The following USP9X variants were observed in gnomAD, a reference collection of about 807,000 sequenced individuals.
USP9X encodes the protein ubiquitin carboxyl-terminal hydrolase 9X.
A neutral mutation model predicts 190.3 loss-of-function variants in USP9X; 7 were observed. That is an observed-to-expected ratio of 0.04 (90% confidence interval 0.02 to 0.07). The LOEUF is 0.07. USP9X is among the 10% of genes least tolerant of loss of function. The pLI, the probability that USP9X is intolerant of heterozygous loss-of-function variation, is 1.00. For missense variants in USP9X, 1,010 were observed against 1,916.9 expected (o/e 0.53, Z 8.83); for synonymous variants, 645 against 659.5 (o/e 0.98, Z 0.34).
At chrX:41,112,930 GTT>G (rs911001523) in intron 1 of USP9X, among the ~76,000 whole-genome samples, 2 of 112,250 alleles carry the variant, frequency 1.8e-5, no homozygotes, top group Non-Finnish European at 3.8e-5. Context: ...AGCTATTAAT[GTT>G]TGCTGTTTTT....
intron 10 of USP9X, among the ~76,000 whole-genome samples, chrX:41,144,084 TA>T (rs1165918673): frequency 3.6e-5 from 4 of 111,941 alleles, no homozygotes; most frequent in African/African-American, 1.3e-4. Flanking sequence ...TTTGCAATAT[TA>T]AAATTGTCAA....
intron 14 of USP9X, among the ~76,000 whole-genome samples, chrX:41,161,005 G>A (rs2062624746): frequency 9.0e-6 from 1 of 111,245 alleles, no homozygotes; most frequent in Non-Finnish European, 1.9e-5. Context: ...GTGGGTAGAA[G>A]CCTGGAATGT....
chrX:41,131,761 G>C (rs759463540), intron 4 of USP9X, among the ~76,000 whole-genome samples: 3 of 111,412 alleles, frequency 2.7e-5, no homozygotes, highest in South Asian at 7.6e-4. Context: ...TCATTGTTTC[G>C]TCAGATTTGC....
intron 39 of USP9X, 123 bp from the exon 40 acceptor site, chrX:41,224,619 G>A: frequency 1.7e-6 from 1 of 604,287 alleles, no homozygotes. Context: ...CTGGGCGACA[G>A]AGCGAGACTC....
intron 31 of USP9X, among the ~76,000 whole-genome samples, chrX:41,204,411 ATG>A (rs1244920151): frequency 5.1e-5 from 3 of 58,688 alleles, no homozygotes; most frequent in South Asian, 7.9e-4. Context: ...CTTTTGCCCT[ATG>A]TTTTTTTTTT....
intron 2 of USP9X, among the ~76,000 whole-genome samples, chrX:41,127,553 C>T (rs993236037): frequency 8.9e-6 from 1 of 112,345 alleles, no homozygotes; most frequent in Non-Finnish European, 1.9e-5. Flanking sequence ...AAGTTACATA[C>T]TTCACATCAG....
chrX:41,108,671 C>T (rs756695677), intron 1 of USP9X, among the ~76,000 whole-genome samples: 6 of 111,736 alleles, frequency 5.4e-5, no homozygotes, highest in East Asian at 5.6e-4. Context: ...TCTGTTCTTA[C>T]GGCCTGCCTT....
chrX:41,189,643 T>G, intron 26 of USP9X, 168 bp downstream of exon 26: 3 of 413,177 alleles, frequency 7.3e-6, no homozygotes, highest in Non-Finnish European at 1.2e-5. Flanking sequence ...AAATGTTTGG[T>G]TTTAGTCTCT....
chrX:41,123,535 C>A lies in USP9X; in HGVS notation c.-94C>A. 1 of 724,043 alleles carries A rather than the reference C, an allele frequency of 1.4e-6. No individual in the cohort carries two copies. The highest frequency in any genetic ancestry group is 2.1e-6 in the Non-Finnish European group (1 of 470,374). 59.7% of individuals were successfully genotyped at this position (724,043 alleles called of 1,213,427 possible). A position where few individuals can be genotyped will look rare whatever the true frequency, so the allele number is the denominator to read the frequency against. ...TGGACCTTTTTAAGACTGACAAATG[C>A]TGGTACTTCATCTTCTATAAGTGGA... On this transcript the variant is annotated 5_prime_UTR_variant, in exon 2 of 45. The change creates a new upstream start codon in the 5' untranslated region. Transcript: ENST00000378308.
chrX:41,089,931 T>TCC (rs1569143018), intron 1 of USP9X, among the ~76,000 whole-genome samples: 2 of 66,772 alleles, frequency 3.0e-5, no homozygotes, highest in African/African-American at 1.1e-4. Flanking sequence ...TTTTTTTTTT[T>TCC]GAGACAGATT....
intron 1 of USP9X, among the ~76,000 whole-genome samples, chrX:41,119,490 A>T (rs1443186353): frequency 9.0e-6 from 1 of 111,492 alleles, no homozygotes; most frequent in Admixed American, 9.5e-5. Context: ...ATTCAAGCAC[A>T]GGCTGGGAAA....
chrX:41,094,107 G>A (rs1217047492), intron 1 of USP9X, among the ~76,000 whole-genome samples: 1 of 111,333 alleles, frequency 9.0e-6, no homozygotes, highest in African/African-American at 3.3e-5. Context: ...GCTGAGCTGA[G>A]GCAAGAGGGA....
intron 21 of USP9X, among the ~76,000 whole-genome samples, chrX:41,179,007 G>A (rs2062803773): frequency 8.9e-6 from 1 of 111,828 alleles, no homozygotes; most frequent in Non-Finnish European, 1.9e-5. Context: ...CACCTTTGTT[G>A]AAAATCAGTT....
chrX:41,092,057 A>G (rs1203217373), intron 1 of USP9X, among the ~76,000 whole-genome samples: 1 of 111,845 alleles, frequency 8.9e-6, no homozygotes, highest in Non-Finnish European at 1.9e-5. Flanking sequence ...ATTCATCTTC[A>G]TTTTATGGCA....
intron 1 of USP9X, among the ~76,000 whole-genome samples, chrX:41,092,279 C>G: frequency 9.0e-6 from 1 of 111,729 alleles, no homozygotes; most frequent in Non-Finnish European, 1.9e-5. Flanking sequence ...TTCCTGCTGA[C>G]TTTGGTGGCT....
Position 41,235,774 on chromosome X carries a change from A to G in USP9X, c.*3250A>G, listed in dbSNP as rs924027176. Reference sequence around the variant, plus strand: ...CTTGTGTCTTTTAGCTGTTGTGTATACAAATTTAGAATTAAAATGTTTTCT... The same window carrying G: ...CTTGTGTCTTTTAGCTGTTGTGTATGCAAATTTAGAATTAAAATGTTTTCT... On this transcript the variant is annotated 3_prime_UTR_variant, in exon 45 of 45. Transcript: ENST00000378308. The G allele has an allele frequency of 3.6e-5, 4 of 111,476 alleles. No homozygotes were observed. The highest frequency in any genetic ancestry group is 1.3e-4 in the African/African-American group (4 of 30,649). 9.2% of individuals were successfully genotyped at this position (111,476 alleles called of 1,213,427 possible).
In USP9X at chrX:41,171,081, A is replaced by G. The variant is rs114352012; in HGVS notation, c.3027+462A>G. Among the ~76,000 whole-genome samples, 945 of 112,190 alleles carry G rather than the reference A, an allele frequency of 8.4e-3. 9 individuals carry two copies. The highest frequency in any genetic ancestry group is 0.037 in the Middle Eastern group (8 of 217). ...ACATTTGATTGGGAAAAAAGTCTGCATGTAAATGGACCTGTGCAGTTCAAA... is the reference window on the plus strand; with the variant it reads ...ACATTTGATTGGGAAAAAAGTCTGCGTGTAAATGGACCTGTGCAGTTCAAA... On this transcript the variant is annotated intron_variant, in intron 20 of 44. Transcript: ENST00000378308.
At chrX:41,161,579 G>A (rs1166297649) in intron 14 of USP9X, among the ~76,000 whole-genome samples, 4 of 99,115 alleles carry the variant, frequency 4.0e-5, no homozygotes, top group African/African-American at 1.5e-4. Flanking sequence ...CAGGTAATCC[G>A]CCTGCCTTGC....
chrX:41,206,492 G>A (rs1435931138), intron 32 of USP9X, among the ~76,000 whole-genome samples: 1 of 111,117 alleles, frequency 9.0e-6, no homozygotes. Flanking sequence ...GGAATCGGAG[G>A]ACAAATAGTT....
Sources: allele counts gnomAD v4.1 joint callset (sites outside exome capture counted in the v4.1 genomes callset), GRCh38; gene constraint gnomAD v4.1.1; transcripts MANE v1.5; gene names NCBI Gene and HGNC (gene_info 2026-07-23, HGNC 2026-07-21).